The following SYCP2L variants were observed in gnomAD, a reference collection of about 807,000 sequenced individuals.
SYCP2L encodes the protein synaptonemal complex protein 2 like.
In SYCP2L, 98 loss-of-function variants were observed where a neutral mutation model predicts 125.8. That is an observed-to-expected ratio of 0.78 (90% CI 0.66 to 0.92). The LOEUF is 0.92. Ranked by LOEUF, SYCP2L falls within the 40% of genes least tolerant of loss-of-function variation. The pLI, the probability that SYCP2L is intolerant of heterozygous loss-of-function variation, is 0.00. For synonymous variants in SYCP2L, 317 were observed against 325.4 expected, an observed-to-expected ratio of 0.97 and a Z score of 0.28; for missense variants, 842 against 936.4, an observed-to-expected ratio of 0.90 and a Z score of 1.32.
intron 12 of SYCP2L, among the ~76,000 whole-genome samples, chr6:10,911,287 C>G (rs1780602209): frequency 6.6e-6 from 1 of 152,080 alleles, no homozygotes; most frequent in South Asian, 2.1e-4. Context: ...CTCTCTCATT[C>G]TACCTTGCAC....
intron 14 of SYCP2L, among the ~76,000 whole-genome samples, chr6:10,919,482 T>A (rs1780751720): frequency 6.6e-6 from 1 of 152,142 alleles, no homozygotes; most frequent in Non-Finnish European, 1.5e-5. Flanking sequence ...GAGGTGGCAG[T>A]GGGGTGAAAT....
At position 10,898,143 on chromosome 6, in the gene SYCP2L, G is replaced by A. The variant is rs369482405; in HGVS notation, c.441+28G>A. On this transcript the variant is annotated intron_variant, in intron 5 of 29. Transcript: ENST00000283141. ...AAGGATGGGATGGATGCTTCACTGA[G>A]CAGATGCCATTGGTAATTGGCAGGA... 1.7e-5 allele frequency: 25 copies of A among 1,465,600 alleles called. 1 individual carries two copies. Among genetic ancestry groups the A allele is most frequent in the Non-Finnish European group, 2.3e-5 (24 of 1,047,136 alleles). 90.8% of individuals were successfully genotyped at this position (1,465,600 alleles called of 1,614,324 possible). A position where few individuals can be genotyped will look rare whatever the true frequency, so the allele number is the denominator to read the frequency against.
chr6:10,940,612 A>G (rs977367796), intron 21 of SYCP2L, among the ~76,000 whole-genome samples: 6 of 152,194 alleles, frequency 3.9e-5, no homozygotes, highest in Admixed American at 3.3e-4. Context: ...TCACATATAT[A>G]CGGAATGTAA....
chr6:10,922,210 G>A (rs1214337893), intron 14 of SYCP2L, among the ~76,000 whole-genome samples: 1 of 152,074 alleles, frequency 6.6e-6, no homozygotes, highest in African/African-American at 2.4e-5. Flanking sequence ...TCACGTTTCT[G>A]TGGTTCATGG....
At position 10,924,615 on chromosome 6, in the gene SYCP2L, A is replaced by G; in HGVS notation, c.1192A>G (p.Ile398Val). The change falls in exon 15 of 30, where the codon ATT becomes GTT. Residue 398 changes from isoleucine (I) to valine (V), a missense_variant. Coordinates refer to ENST00000283141, the MANE Select transcript of SYCP2L (RefSeq NM_001040274.3). ...DLQFNISQVS[I>V]QALGEDKQML... ...GCAGTTCAACATATCACAAGTTTCC[A>G]TTCAAGCTTTAGGAGAAGACAAACA... is the stretch of plus-strand genomic sequence containing the variant. 1 of 1,587,996 alleles carries G rather than the reference A, an allele frequency of 6.3e-7. No homozygotes were observed. The highest frequency in any genetic ancestry group is 2.3e-5 in the East Asian group (1 of 43,764).
intron 23 of SYCP2L, among the ~76,000 whole-genome samples, chr6:10,950,122 A>G (rs1355197042): frequency 6.6e-6 from 1 of 152,186 alleles, no homozygotes; most frequent in East Asian, 1.9e-4. Flanking sequence ...CTTCAATCAC[A>G]TTTCTGAACA....
chr6:10,955,269 C>A, intron 24 of SYCP2L, 52 bp downstream of exon 24: 3 of 1,143,764 alleles, frequency 2.6e-6, no homozygotes, highest in South Asian at 1.2e-5. Context: ...ATAAATGGGT[C>A]AGCACAGGAT....
At chr6:10,920,185 C>T (rs1178980458) in intron 14 of SYCP2L, among the ~76,000 whole-genome samples, 2 of 152,074 alleles carry the variant, frequency 1.3e-5, no homozygotes, top group South Asian at 2.1e-4. Flanking sequence ...TTTGGTTCAA[C>T]GTTTGTTCCT....
chr6:10,922,935 A>G (rs986224994), intron 14 of SYCP2L: 1 of 152,204 alleles, frequency 6.6e-6, no homozygotes, highest in Non-Finnish European at 1.5e-5. Context: ...TCCTGGAATA[A>G]TAATATCCAG....
chr6:10,934,886 C>A (rs1186331002), intron 20 of SYCP2L, among the ~76,000 whole-genome samples, 172 bp from the exon 21 acceptor site: 1 of 152,084 alleles, frequency 6.6e-6, no homozygotes, highest in Non-Finnish European at 1.5e-5. Context: ...AGCTAATATC[C>A]ACCCCTCAAC....
At chr6:10,891,692 C>G (rs1012624231) in intron 2 of SYCP2L, 111 bp downstream of exon 2, 2 of 712,568 alleles carry the variant, frequency 2.8e-6, no homozygotes, top group Non-Finnish European at 4.3e-6. Context: ...TGTATTCTTT[C>G]TAGTTCTGTG....
At chr6:10,892,933 T>C (rs1459766663) in intron 2 of SYCP2L, among the ~76,000 whole-genome samples, 2 of 138,828 alleles carry the variant, frequency 1.4e-5, no homozygotes, top group East Asian at 4.2e-4. Flanking sequence ...ATATTTAACC[T>C]GTAAGATTTT....
chr6:10,888,419 G>A (rs1284785745), intron 1 of SYCP2L, among the ~76,000 whole-genome samples: 2 of 151,998 alleles, frequency 1.3e-5, no homozygotes, highest in Admixed American at 6.6e-5. Flanking sequence ...TAAATGAGGA[G>A]ACTGAATCTC....
chr6:10,968,997 TC>T (rs1781724210), intron 29 of SYCP2L, among the ~76,000 whole-genome samples: 1 of 152,176 alleles, frequency 6.6e-6, no homozygotes, highest in Non-Finnish European at 1.5e-5. Context: ...ACTATTCTCT[TC>T]TTAGATGCAG....
chr6:10,941,243 C>G (rs1212763086), intron 21 of SYCP2L, among the ~76,000 whole-genome samples: 4 of 152,124 alleles, frequency 2.6e-5, no homozygotes, highest in African/African-American at 9.7e-5. Context: ...CAGGCATGGG[C>G]AAGGACTTCG....
chr6:10,948,561 A>G (rs955557087), intron 23 of SYCP2L, among the ~76,000 whole-genome samples: 2 of 152,160 alleles, frequency 1.3e-5, no homozygotes, highest in African/African-American at 4.8e-5. Flanking sequence ...TTCCTGGGAT[A>G]AACCTCATTT....
chr6:10,955,076 A>G, intron 23 of SYCP2L, 40 bp from the exon 24 acceptor site: 1 of 1,438,384 alleles, frequency 7.0e-7, no homozygotes, highest in African/African-American at 1.4e-5. Context: ...TGAACAAGAT[A>G]ATTTCGGGTC....
At chr6:10,924,439 T>G in intron 14 of SYCP2L, 57 bp from the exon 15 acceptor site, 2 of 1,386,918 alleles carry the variant, frequency 1.4e-6, no homozygotes, top group Non-Finnish European at 1.9e-6. Context: ...TGATAAAATT[T>G]TAAAATAAAA....
chr6:10,935,514 T>C lies in SYCP2L; in HGVS notation c.1813+327T>C, dbSNP rs1196723879. ...TAAATATTTTTTGCTTTTTGATCCATATGGTTTCTTTTTCTTTTCTTTTTT... is the reference window on the plus strand; with the variant it reads ...TAAATATTTTTTGCTTTTTGATCCACATGGTTTCTTTTTCTTTTCTTTTTT... On this transcript the variant is annotated intron_variant, in intron 21 of 29. Transcript: ENST00000283141. 2.0e-5 allele frequency among the ~76,000 whole-genome samples: 3 copies of C among 152,048 alleles called. No individual in the cohort carries two copies. The East Asian group carries it at 5.8e-4, about 29-fold the overall frequency.
Sources: allele counts gnomAD v4.1 joint callset (sites outside exome capture counted in the v4.1 genomes callset), GRCh38; gene constraint gnomAD v4.1.1; transcripts MANE v1.5; gene names NCBI Gene and HGNC (gene_info 2026-07-23, HGNC 2026-07-21).